Variants in CIMAP2 observed in about 807,000 individuals in gnomAD.
CIMAP2 encodes the protein ciliary microtubule associated protein 2.
At chr1:54,811,778 C>CCCCCCCCCCCCCCCCCCCCCCCCCCCA in the CIMAP2 span, 1 of 580,510 alleles carries the variant, frequency 1.7e-6, no homozygotes, top group Non-Finnish European at 3.0e-6. Flanking sequence ...TCCATGCCCC[C>CCCCCCCCCCCCCCCCCCCCCCCCCCCA]ACCCCCGCCC....
chr1:54,823,706 A>G, the CIMAP2 span, among the ~76,000 whole-genome samples: 1 of 151,976 alleles, frequency 6.6e-6, no homozygotes, highest in Non-Finnish European at 1.5e-5. Flanking sequence ...ACGTTAGACT[A>G]CTTTCTCTTT....
At chr1:54,832,095 T>C in the CIMAP2 span, among the ~76,000 whole-genome samples, 9 of 152,366 alleles carry the variant, frequency 5.9e-5, no homozygotes, top group African/African-American at 2.2e-4. Flanking sequence ...TCCACCAACA[T>C]TGGCCTTCCA....
At chr1:54,831,965 GC>G in the CIMAP2 span, among the ~76,000 whole-genome samples, 1 of 152,184 alleles carries the variant, frequency 6.6e-6, no homozygotes, top group African/African-American at 2.4e-5. Flanking sequence ...TCCCACCTCA[GC>G]CTTCCAAGTA....
the CIMAP2 span, among the ~76,000 whole-genome samples, chr1:54,832,701 C>A: frequency 6.6e-6 from 1 of 151,902 alleles, no homozygotes; most frequent in Non-Finnish European, 1.5e-5. Flanking sequence ...CAAAAAAAAT[C>A]AAAATAAATA....
At chr1:54,806,652 T>C in the CIMAP2 span, among the ~76,000 whole-genome samples, 1 of 132,198 alleles carries the variant, frequency 7.6e-6, no homozygotes, top group Non-Finnish European at 1.5e-5. Flanking sequence ...GATCTGGGGC[T>C]ACAGCAGTGA....
the CIMAP2 span, among the ~76,000 whole-genome samples, chr1:54,836,682 G>C: frequency 1.3e-5 from 2 of 152,182 alleles, no homozygotes; most frequent in East Asian, 1.9e-4. Flanking sequence ...TGCCATAAGC[G>C]TGTGGGGCAG....
At chr1:54,835,414 C>G in the CIMAP2 span, among the ~76,000 whole-genome samples, 88 of 152,162 alleles carry the variant, frequency 5.8e-4, 2 homozygotes, top group African/African-American at 2.1e-3. Flanking sequence ...TTCTCAAACT[C>G]CTGGCCTCAA....
chr1:54,817,007 C>T, the CIMAP2 span: 84 of 1,614,152 alleles, frequency 5.2e-5, no homozygotes, highest in East Asian at 1.6e-3. Context: ...AGGTGTGGGC[C>T]GCTACCTCAA....
At chr1:54,816,646 T>C in the CIMAP2 span, among the ~76,000 whole-genome samples, 14 of 152,180 alleles carry the variant, frequency 9.2e-5, no homozygotes, top group Non-Finnish European at 1.9e-4. Context: ...CAATCCTTGA[T>C]GTTCCTTGGC....
At chr1:54,832,914 C>A in the CIMAP2 span, among the ~76,000 whole-genome samples, 2 of 151,968 alleles carry the variant, frequency 1.3e-5, no homozygotes, top group South Asian at 4.2e-4. Context: ...GTAATCCCAG[C>A]TACTTGGGAG....
the CIMAP2 span, chr1:54,815,049 T>C: frequency 6.2e-7 from 1 of 1,613,876 alleles, no homozygotes; most frequent in Non-Finnish European, 8.5e-7. Context: ...GGTAAGTGGG[T>C]CTGGGGTGAG....
the CIMAP2 span, chr1:54,811,884 G>A: frequency 2.5e-6 from 4 of 1,613,142 alleles, no homozygotes; most frequent in African/African-American, 5.4e-5. Flanking sequence ...TCATTCCGAG[G>A]GCCTCATGTG....
the CIMAP2 span, chr1:54,841,936 G>A: frequency 1.3e-6 from 2 of 1,485,716 alleles, no homozygotes; most frequent in Non-Finnish European, 1.8e-6. Flanking sequence ...ACAAATCTGG[G>A]GGTGACAGCA....
At chr1:54,839,645 T>C in the CIMAP2 span, among the ~76,000 whole-genome samples, 1 of 152,160 alleles carries the variant, frequency 6.6e-6, no homozygotes, top group South Asian at 2.1e-4. Context: ...CCCAAAGTGC[T>C]AGGATTATAG....
the CIMAP2 span, chr1:54,841,713 A>G: frequency 6.3e-7 from 1 of 1,589,846 alleles, no homozygotes; most frequent in African/African-American, 1.3e-5. Context: ...GTACCTGTTC[A>G]TTCCCTATGG....
At chr1:54,837,802 A>G in the CIMAP2 span, among the ~76,000 whole-genome samples, 1 of 152,154 alleles carries the variant, frequency 6.6e-6, no homozygotes, top group East Asian at 1.9e-4. Flanking sequence ...TCACCCTTGA[A>G]GGGGGCTGTG....
the CIMAP2 span, chr1:54,812,197 C>A: frequency 6.2e-7 from 1 of 1,614,148 alleles, no homozygotes; most frequent in Non-Finnish European, 8.5e-7. Flanking sequence ...CAGGTGTGTA[C>A]CCAGGGGTTG....
chr1:54,826,561 C>G, the CIMAP2 span, among the ~76,000 whole-genome samples: 6 of 152,250 alleles, frequency 3.9e-5, no homozygotes, highest in East Asian at 9.7e-4. Context: ...ATCAGGGGAT[C>G]GGTGGGACCC....
the CIMAP2 span, chr1:54,841,804 A>C: frequency 1.3e-6 from 2 of 1,577,724 alleles, no homozygotes; most frequent in Non-Finnish European, 8.6e-7. Flanking sequence ...TTTAAAGGGA[A>C]AGGATCACAC....
Sources: gnomAD v4.1 joint callset for allele counts (sites outside exome capture counted in the v4.1 genomes callset) on GRCh38, gnomAD v4.1.1 for gene constraint, MANE v1.5 for transcripts, NCBI Gene and HGNC (gene_info 2026-07-23, HGNC 2026-07-21) for gene names.